The following COL4A5 variants were observed in gnomAD, a reference collection of about 807,000 sequenced individuals.
The protein encoded by COL4A5 is collagen alpha-5(IV) chain.
A neutral mutation model predicts 130.2 loss-of-function variants in COL4A5; 26 were observed. That is an observed-to-expected ratio of 0.20 (90% CI 0.15 to 0.28). The LOEUF is 0.28. Among genes scored for constraint, COL4A5 ranks in the 10% least tolerant of loss-of-function variants. The pLI, the probability that COL4A5 is intolerant of heterozygous loss-of-function variation, is 1.00. For missense variants in COL4A5, 1,131 were observed against 1,344.3 expected (o/e 0.84, Z 2.48); for synonymous variants, 496 against 439.6 (o/e 1.13, Z -1.60).
At chrX:108,479,559 T>C (rs1418716654) in intron 1 of COL4A5, among the ~76,000 whole-genome samples, 1 of 111,956 alleles carries the variant, frequency 8.9e-6, no homozygotes, top group East Asian at 2.8e-4. Context: ...TCTCTTCCTC[T>C]GTCAACTGAT....
chrX:108,567,341 C>G (rs1288118402), intron 4 of COL4A5, among the ~76,000 whole-genome samples: 1 of 111,682 alleles, frequency 9.0e-6, no homozygotes, highest in Admixed American at 9.5e-5. Flanking sequence ...TCCTTTTTAC[C>G]TTTTTTAAAA....
intron 19 of COL4A5, among the ~76,000 whole-genome samples, chrX:108,589,664 T>C (rs2066398827): frequency 9.0e-6 from 1 of 111,692 alleles, no homozygotes; most frequent in Admixed American, 9.5e-5. Flanking sequence ...AATTCAAAAC[T>C]TGAAACTATA....
intron 49 of COL4A5, chrX:108,689,212 G>A (rs1057168302): frequency 9.9e-5 from 24 of 241,908 alleles, no homozygotes; most frequent in Admixed American, 1.9e-4. Context: ...TAATTTAATC[G>A]AATAATAAAT....
intron 1 of COL4A5, among the ~76,000 whole-genome samples, chrX:108,524,843 G>T (rs926009061): frequency 1.8e-5 from 2 of 111,454 alleles, no homozygotes; most frequent in Non-Finnish European, 1.9e-5. Flanking sequence ...TTCCATTGTG[G>T]TTGGAAAACA....
rs144012864 is a variant in COL4A5 at position 108,503,785 on chromosome X, G to A, written c.82-35961G>A. 5.7e-3 allele frequency among the ~76,000 whole-genome samples: 639 copies of A among 112,145 alleles called. 4 individuals are homozygous for A. The highest frequency in any genetic ancestry group is 0.02 in the African/African-American group (622 of 30,886). ...GACAAAAACAATGGTTCATGGATTG[G>A]AAGAGTCAATGTTGTGAAAATGACC... On this transcript the variant is annotated intron_variant, in intron 1 of 52. Coordinates refer to ENST00000328300, the MANE Select transcript of COL4A5 (RefSeq NM_033380.3).
At chrX:108,526,296 C>T (rs2065310802) in intron 1 of COL4A5, among the ~76,000 whole-genome samples, 1 of 111,647 alleles carries the variant, frequency 9.0e-6, no homozygotes, top group South Asian at 3.8e-4. Flanking sequence ...TATTGTTGAA[C>T]GTTTGTTCAT....
intron 2 of COL4A5, among the ~76,000 whole-genome samples, chrX:108,549,054 G>C (rs970151974): frequency 4.5e-5 from 5 of 111,622 alleles, no homozygotes; most frequent in Non-Finnish European, 9.4e-5. Context: ...AATAGAAATG[G>C]TGTAAATGCG....
chrX:108,443,531 GCCTA>G (rs1035969247), intron 1 of COL4A5, among the ~76,000 whole-genome samples: 11 of 111,273 alleles, frequency 9.9e-5, no homozygotes, highest in Non-Finnish European at 1.7e-4. Context: ...GTACTAATTT[GCCTA>G]CCTATCATAT....
At chrX:108,611,875 C>T (rs1392121098) in intron 29 of COL4A5, among the ~76,000 whole-genome samples, 1 of 111,130 alleles carries the variant, frequency 9.0e-6, no homozygotes, top group Non-Finnish European at 1.9e-5. Flanking sequence ...CAATATCTCT[C>T]ATGAACATAG....
chrX:108,641,019 A>G (rs759576404), intron 36 of COL4A5, among the ~76,000 whole-genome samples: 1 of 112,051 alleles, frequency 8.9e-6, no homozygotes, highest in Non-Finnish European at 1.9e-5. Flanking sequence ...AATCAAAACC[A>G]CATTGAGATA....
intron 1 of COL4A5, among the ~76,000 whole-genome samples, chrX:108,444,580 G>A (rs1367317281): frequency 1.8e-5 from 2 of 111,735 alleles, no homozygotes; most frequent in Admixed American, 9.5e-5. Context: ...TCTCCAAGGA[G>A]CTCTGATTCT....
In COL4A5 at chrX:108,680,692, G is replaced by A. The variant is rs776661566; in HGVS notation, c.3956G>A (p.Arg1319Gln). ...TTATTTATTCAGGGTAATCCTGGCC[G>A]GCCGGGTCTCAATGGAATGAAAGGA... is the stretch of plus-strand genomic sequence containing the variant. ...GPPGLQGNPG[R>Q]PGLNGMKGDP... Residue 1319 changes from arginine to glutamine, a missense_variant, in exon 45 of 53, where the codon CGG becomes CAG. By Grantham distance (43) the Arg-to-Gln change is conservative. Coordinates refer to ENST00000328300, the MANE Select transcript of COL4A5 (RefSeq NM_033380.3). The A allele has an allele frequency of 2.5e-6, 3 of 1,207,071 alleles. No homozygotes were observed. Among genetic ancestry groups the A allele is most frequent in the Admixed American group, 2.2e-5 (1 of 45,529 alleles).
intron 25 of COL4A5, among the ~76,000 whole-genome samples, chrX:108,599,923 T>C (rs1344495478): frequency 8.9e-6 from 1 of 112,224 alleles, no homozygotes; most frequent in African/African-American, 3.2e-5. Context: ...CATCTTCCAC[T>C]TGACTGGATA....
chrX:108,606,027 AT>A (rs1384710620), intron 28 of COL4A5, among the ~76,000 whole-genome samples: 1 of 111,695 alleles, frequency 9.0e-6, no homozygotes, highest in Non-Finnish European at 1.9e-5. Flanking sequence ...ATTTTTATAT[AT>A]TTTATCTCTG....
intron 1 of COL4A5, among the ~76,000 whole-genome samples, chrX:108,527,740 A>T (rs2065341007): frequency 8.9e-6 from 1 of 111,850 alleles, no homozygotes; most frequent in Non-Finnish European, 1.9e-5. Context: ...ACATAGCCTG[A>T]GGTCCTGGGG....
chrX:108,566,848 T>C lies in COL4A5; in HGVS notation c.277-1781T>C, dbSNP rs373628805. Among the ~76,000 whole-genome samples the C allele has an allele frequency of 6.2e-4, 69 of 111,886 alleles. 1 individual carries two copies. The highest frequency in any genetic ancestry group is 2.1e-3 in the African/African-American group (66 of 30,849). On this transcript the variant is annotated intron_variant, in intron 4 of 52. Coordinates refer to ENST00000328300, the MANE Select transcript of COL4A5 (RefSeq NM_033380.3). ...TTATTGCTACTCGATTTGTCACTGTTTCAATGTCTTCTCAGTGGAAATATG... is the reference window on the plus strand; with the variant it reads ...TTATTGCTACTCGATTTGTCACTGTCTCAATGTCTTCTCAGTGGAAATATG...
intron 38 of COL4A5, 148 bp downstream of exon 38, chrX:108,665,735 A>T: frequency 2.1e-6 from 1 of 474,606 alleles, no homozygotes. Context: ...TGAGGTACAG[A>T]ATGAATAACT....
chrX:108,467,981 T>C (rs1267631985), intron 1 of COL4A5, among the ~76,000 whole-genome samples: 5 of 111,784 alleles, frequency 4.5e-5, no homozygotes. Flanking sequence ...TTGGAGTTTT[T>C]CAGGTTTTGG....
intron 48 of COL4A5, among the ~76,000 whole-genome samples, 162 bp downstream of exon 48, chrX:108,686,291 A>T (rs1231251840): frequency 8.9e-6 from 1 of 111,853 alleles, no homozygotes; most frequent in African/African-American, 3.3e-5. Context: ...CATAATAAGG[A>T]GATTTGTCAC....
Sources: allele counts gnomAD v4.1 joint callset (sites outside exome capture counted in the v4.1 genomes callset), GRCh38; gene constraint gnomAD v4.1.1; transcripts MANE v1.5; gene names NCBI Gene and HGNC (gene_info 2026-07-23, HGNC 2026-07-21).